The following RNF44 variants were observed in gnomAD, a reference collection of about 807,000 sequenced individuals.
RNF44 encodes ring finger protein 44.
Under a neutral mutation model 53.6 loss-of-function variants are expected in RNF44, and 25 were observed. The ratio of observed to expected loss-of-function variants is 0.47; its 90% CI spans 0.34 to 0.65. The LOEUF (loss-of-function observed/expected upper bound fraction) is 0.65, where lower values mean the gene tolerates loss of function less well. Among genes scored for constraint, RNF44 ranks in the 30% least tolerant of loss-of-function variants. RNF44 has a pLI of 0.01. For synonymous variants in RNF44, 282 were observed against 252.2 expected (o/e 1.12, Z -1.12); for missense variants, 581 against 595.5 (o/e 0.98, Z 0.25).
At chr5:176,533,068 CT>C (rs1561851725) in intron 1 of RNF44, among the ~76,000 whole-genome samples, 2 of 152,210 alleles carry the variant, frequency 1.3e-5, no homozygotes, top group Non-Finnish European at 2.9e-5. Flanking sequence ...TCAGGGCACC[CT>C]GTCTTGGAAA....
At chr5:176,539,704 T>C (rs1451955271), upstream of RNF44, among the ~76,000 whole-genome samples, 1 of 150,078 alleles carries the variant, frequency 6.7e-6, no homozygotes, top group Admixed American at 6.6e-5. Flanking sequence ...AAAAAAACCC[T>C]CCCCACATTT....
At chr5:176,540,418 G>A (rs1159811528), upstream of RNF44, among the ~76,000 whole-genome samples, 1 of 152,150 alleles carries the variant, frequency 6.6e-6, no homozygotes, top group Non-Finnish European at 1.5e-5. Flanking sequence ...CATTCTCCCT[G>A]CTTAATATGT....
At chr5:176,543,037 G>T in the RNF44 span, among the ~76,000 whole-genome samples, 1 of 151,862 alleles carries the variant, frequency 6.6e-6, no homozygotes, top group Non-Finnish European at 1.5e-5. The surrounding 1 kb of genome is among the most constrained non-coding windows in gnomAD (Gnocchi z 4.0). Context: ...GTTCCCCGGG[G>T]CTCCCCGAGT....
At chr5:176,533,618 A>G (rs1248414037) in intron 1 of RNF44, among the ~76,000 whole-genome samples, 1 of 152,108 alleles carries the variant, frequency 6.6e-6, no homozygotes, top group East Asian at 1.9e-4. Flanking sequence ...CCCAGCCCTC[A>G]AAGTGGGAGG....
upstream of RNF44, among the ~76,000 whole-genome samples, chr5:176,539,687 TAA>T (rs772083636): frequency 7.1e-6 from 1 of 140,836 alleles, no homozygotes; most frequent in Admixed American, 7.0e-5. Context: ...GACTCCGTCT[TAA>T]AAAAAAAAAA....
chr5:176,529,922 G>T, intron 7 of RNF44, 104 bp from the exon 8 acceptor site: 3 of 1,395,048 alleles, frequency 2.2e-6, no homozygotes, highest in Non-Finnish European at 1.9e-6. Flanking sequence ...GAACGTTGCA[G>T]CGGGGAAGGG....
Position 176,530,714 on chromosome 5 carries a change from G to A in RNF44, c.669C>T (p.Asp223=), listed in dbSNP as rs1308236981. 1 of 1,549,534 alleles carries A rather than the reference G, an allele frequency of 6.5e-7. No homozygotes were observed. Among genetic ancestry groups the A allele is most frequent in the Non-Finnish European group, 8.7e-7 (1 of 1,150,738 alleles). Residue 223 remains aspartate (D), a synonymous_variant, in exon 6 of 11, where the codon GAC becomes GAT. Transcript: ENST00000274811. ...MPLQRLDNDV[D]LRGDQPSLGS... ...CCAGGGAGGGCTGGTCCCCACGCAG[G>A]TCCACGTCGTTGTCGAGCCGCTGGA...
In RNF44 at chr5:176,532,069, C is replaced by T. The variant is rs575669062; in HGVS notation, c.232G>A (p.Gly78Arg). Residue 78 changes from glycine (G) to arginine (R), a missense_variant, in exon 3 of 11, where the codon GGG (glycine) becomes AGG (arginine). Around this residue, in one of 3 missense-constraint regions of RNF44, gnomAD observed 387 missense variants for 366.0 expected, o/e 1.06. Coordinates refer to ENST00000274811, the MANE Select transcript of RNF44 (RefSeq NM_014901.5). ...GCTGGGTGCAGCATTCGGGGGCTCC[C>T]GCCGGCAGGAGCCGAGGCTCGGCGC... The part of the protein sequence containing the change: ...EERRASAPAG[G>R]SPRMLHPATQ... 43 of 1,607,590 alleles carry T rather than the reference C, an allele frequency of 2.7e-5. No individual in the cohort carries two copies. The East Asian group carries it at 2.9e-4, about 11-fold the overall frequency.
At position 176,530,610 on chromosome 5, in the gene RNF44, G is replaced by A. The variant is rs150469590; in HGVS notation, c.773C>T (p.Pro258Leu). The A allele has an allele frequency of 2.2e-5, 33 of 1,498,770 alleles. No individual in the cohort carries two copies. The highest frequency in any genetic ancestry group is 2.9e-5 in the African/African-American group (2 of 68,938). 92.8% of individuals were successfully genotyped at this position (1,498,770 alleles called of 1,614,324 possible). A position where few individuals can be genotyped will look rare whatever the true frequency, so the allele number is the denominator to read the frequency against. ...ACCAAAGGACAGCTCCTGGTGCAGC[G>A]GATCGTGGGGCAGGTAGTGCAGGGG... is the stretch of plus-strand genomic sequence containing the variant. ...SVPLHYLPHDPLHQELSFGVP... is the reference protein window; with the variant it reads ...SVPLHYLPHDLLHQELSFGVP... The change falls in exon 6 of 11, where the codon CCG (proline) becomes CTG (leucine). Residue 258 changes from proline to leucine, a missense_variant. Transcript: ENST00000274811.
Position 176,530,970 on chromosome 5 carries a change from G to C in RNF44, c.517C>G (p.Pro173Ala). 5 of 1,459,132 alleles carry C rather than the reference G, an allele frequency of 3.4e-6. No homozygotes were observed. Among genetic ancestry groups the C allele is most frequent in the Non-Finnish European group, 4.5e-6 (5 of 1,108,778 alleles). 90.4% of individuals were successfully genotyped at this position (1,459,132 alleles called of 1,614,324 possible). The part of the protein sequence containing the change: ...QQLPVPYQAY[P>A]HLISSDHYIL... ...TAGTGGTCACTGGAGATGAGGTGGGGGTAGGCCTGATAGGGCACAGGCAGC... is the reference window on the plus strand; with the variant it reads ...TAGTGGTCACTGGAGATGAGGTGGGCGTAGGCCTGATAGGGCACAGGCAGC... Residue 173 changes from proline (P) to alanine (A), a missense_variant, in exon 5 of 11, where the codon CCC becomes GCC. Physicochemically the swap from Pro to Ala is conservative, Grantham distance 27. Around this residue, in one of 3 missense-constraint regions of RNF44, gnomAD observed 387 missense variants for 366.0 expected, o/e 1.06. Transcript: ENST00000274811.
upstream of RNF44, among the ~76,000 whole-genome samples, chr5:176,542,091 C>T (rs1427351980): frequency 6.6e-6 from 1 of 152,220 alleles, no homozygotes. Context: ...CCGTCTGGGG[C>T]TCTGGCCCTC....
At chr5:176,529,175 T>C (rs768151764) in intron 10 of RNF44, 85 bp from the exon 11 acceptor site, 15 of 1,577,368 alleles carry the variant, frequency 9.5e-6, no homozygotes, top group African/African-American at 4.0e-5. Context: ...CTTGGTCCGC[T>C]GGAGCCAGAA....
At chr5:176,543,218 C>G in the RNF44 span, among the ~76,000 whole-genome samples, 1 of 147,624 alleles carries the variant, frequency 6.8e-6, no homozygotes, top group Non-Finnish European at 1.5e-5. This position sits in a 1 kb window ranked among gnomAD's most constrained non-coding sequence, Gnocchi z 4.0. Flanking sequence ...CTCGCCGGCC[C>G]TGCGCCCGGG....
In RNF44 at chr5:176,531,705, C is replaced by T. The variant is rs1056877719; in HGVS notation, c.298-75G>A. ...AGGGCTACTCTCAGGAGAAATCATC[C>T]TGCCACATCCAGCTGCCGGCTCCCT... On this transcript the variant is annotated intron_variant, in intron 3 of 10. Coordinates refer to ENST00000274811, the MANE Select transcript of RNF44 (RefSeq NM_014901.5). The surrounding 1 kb of genome is among the most constrained non-coding windows in gnomAD (Gnocchi z 4.2). 5 of 1,427,924 alleles carry T rather than the reference C, an allele frequency of 3.5e-6. No homozygotes were observed. The African/African-American group carries it at 7.1e-5, about 20-fold the overall frequency. 88.5% of individuals were successfully genotyped at this position (1,427,924 alleles called of 1,614,324 possible). A position where few individuals can be genotyped will look rare whatever the true frequency, so the allele number is the denominator to read the frequency against.
chr5:176,535,633 AGC>A (rs1757082446), intron 1 of RNF44, among the ~76,000 whole-genome samples: 1 of 152,226 alleles, frequency 6.6e-6, no homozygotes, highest in Non-Finnish European at 1.5e-5. Context: ...TGGCATCAGT[AGC>A]TGGAGGAAAT....
intron 2 of RNF44, 40 bp from the exon 3 acceptor site, chr5:176,532,233 G>A (rs1325698729): frequency 2.0e-6 from 3 of 1,489,064 alleles, no homozygotes; most frequent in East Asian, 2.4e-5. Flanking sequence ...ACTGAGGGGG[G>A]CCACTCGTGC....
At chr5:176,534,105 G>A (rs761897043) in intron 1 of RNF44, among the ~76,000 whole-genome samples, 22 of 152,210 alleles carry the variant, frequency 1.4e-4, no homozygotes, top group Admixed American at 1.1e-3. Context: ...ATGGGAGACC[G>A]GGGCCCGACC....
chr5:176,531,454 C>CA lies in RNF44; in HGVS notation c.465+8_465+9insT. On this transcript the variant is annotated intron_variant, in intron 4 of 10. Coordinates refer to ENST00000274811, the MANE Select transcript of RNF44 (RefSeq NM_014901.5). This position sits in a 1 kb window ranked among gnomAD's most constrained non-coding sequence, Gnocchi z 4.2. Reference sequence around the variant, plus strand: ...GCTGGTGGAGGAGGAGCTAGAAACACTCACTCACCGGGGGCGGGAGGCAGC... The same window carrying CA: ...GCTGGTGGAGGAGGAGCTAGAAACACATCACTCACCGGGGGCGGGAGGCAGC... 5.2e-6 allele frequency: 8 copies of CA among 1,549,922 alleles called. No homozygotes were observed. The highest frequency in any genetic ancestry group is 6.1e-6 in the Non-Finnish European group (7 of 1,147,328).
chr5:176,528,944 A>C lies in RNF44; in HGVS notation c.*84T>G. On this transcript the variant is annotated 3_prime_UTR_variant, in exon 11 of 11. Transcript: ENST00000274811. ...AGGAGCGAAGGGGCAGGCCTGGGCC[A>C]CTCCCTCCCCATCCTCCCTGGGCCC... 2.2e-6 allele frequency: 3 copies of C among 1,368,618 alleles called. No homozygotes were observed. The highest frequency in any genetic ancestry group is 3.1e-6 in the Non-Finnish European group (3 of 982,940). The allele number at this position is 1,368,618 out of a possible 1,614,324, so 84.8% of individuals were successfully genotyped here. A position where few individuals can be genotyped will look rare whatever the true frequency, so the allele number is the denominator to read the frequency against.
Sources: allele counts gnomAD v4.1 joint callset (sites outside exome capture counted in the v4.1 genomes callset), GRCh38; gene constraint gnomAD v4.1.1; regional missense constraint gnomAD v4.1.1; non-coding constraint Gnocchi (gnomAD v3.1); transcripts MANE v1.5; gene names NCBI Gene and HGNC (gene_info 2026-07-23, HGNC 2026-07-21).